SPMIP2: variants seen among roughly 807,000 people sequenced by gnomAD.
SPMIP2 encodes protein SPMIP2.
the SPMIP2 span, among the ~76,000 whole-genome samples, chr4:158,913,811 T>G: frequency 6.8e-6 from 1 of 148,082 alleles, no homozygotes; most frequent in South Asian, 2.2e-4. Flanking sequence ...GCCAATGCAC[T>G]CCAGCCTGGG....
chr4:158,947,404 C>T, the SPMIP2 span, among the ~76,000 whole-genome samples: 7 of 152,322 alleles, frequency 4.6e-5, no homozygotes, highest in East Asian at 1.2e-3. Flanking sequence ...CACCACCCAA[C>T]TAACACAAAA....
At chr4:159,007,677 T>C in the SPMIP2 span, 2 of 719,046 alleles carry the variant, frequency 2.8e-6, no homozygotes, top group Admixed American at 1.8e-5. Flanking sequence ...AATGGACTAC[T>C]GGGTCTTGGT....
chr4:158,987,402 A>C, the SPMIP2 span, among the ~76,000 whole-genome samples: 1 of 152,138 alleles, frequency 6.6e-6, no homozygotes, highest in Non-Finnish European at 1.5e-5. Context: ...ACAATGATAG[A>C]CTGGATTAAG....
At chr4:159,040,318 C>T in the SPMIP2 span, among the ~76,000 whole-genome samples, 3 of 150,484 alleles carry the variant, frequency 2.0e-5, no homozygotes, top group Admixed American at 1.3e-4. Flanking sequence ...ATTACAGGCA[C>T]GTGCCACCAT....
chr4:159,047,500 A>T, the SPMIP2 span, among the ~76,000 whole-genome samples: 7 of 151,976 alleles, frequency 4.6e-5, no homozygotes, highest in Admixed American at 3.9e-4. Context: ...GATTGATTAA[A>T]TTTTTTTTTA....
At chr4:159,031,924 A>T in the SPMIP2 span, among the ~76,000 whole-genome samples, 1 of 152,218 alleles carries the variant, frequency 6.6e-6, no homozygotes. Context: ...AAATGATTTT[A>T]AAAAATATTG....
chr4:158,963,018 TC>T, the SPMIP2 span, among the ~76,000 whole-genome samples: 2 of 152,226 alleles, frequency 1.3e-5, no homozygotes, highest in African/African-American at 4.8e-5. Flanking sequence ...CAGCAAATAG[TC>T]TAAACATTGG....
the SPMIP2 span, chr4:158,895,858 G>A: frequency 9.9e-6 from 16 of 1,609,540 alleles, no homozygotes; most frequent in Non-Finnish European, 1.1e-5. Context: ...ATTAGGTGTC[G>A]TACTGGGGTG....
the SPMIP2 span, among the ~76,000 whole-genome samples, chr4:159,025,709 AAC>A: frequency 2.5e-4 from 38 of 152,306 alleles, no homozygotes; most frequent in East Asian, 4.6e-3. Flanking sequence ...AAGAGAAAAA[AAC>A]AGTTTAAAAA....
At chr4:158,956,618 A>G in the SPMIP2 span, among the ~76,000 whole-genome samples, 2 of 152,330 alleles carry the variant, frequency 1.3e-5, no homozygotes, top group Middle Eastern at 3.4e-3. Context: ...GATCAATAGG[A>G]TGTGAGCTCT....
the SPMIP2 span, among the ~76,000 whole-genome samples, chr4:159,040,745 C>T: frequency 6.6e-6 from 1 of 152,188 alleles, no homozygotes; most frequent in Non-Finnish European, 1.5e-5. Context: ...AGCCACTGCA[C>T]CCAGCCTAGT....
the SPMIP2 span, among the ~76,000 whole-genome samples, chr4:158,917,898 T>C: frequency 1.9e-3 from 295 of 151,952 alleles, no homozygotes; most frequent in Non-Finnish European, 3.4e-3. Flanking sequence ...TTTGTATTTT[T>C]AGTAGAGACA....
the SPMIP2 span, among the ~76,000 whole-genome samples, chr4:158,940,722 T>G: frequency 6.6e-6 from 1 of 152,210 alleles, no homozygotes; most frequent in Non-Finnish European, 1.5e-5. Context: ...GTAACCAGTT[T>G]GTTGTGTTTT....
At chr4:158,936,230 A>C in the SPMIP2 span, among the ~76,000 whole-genome samples, 1 of 152,240 alleles carries the variant, frequency 6.6e-6, no homozygotes, top group Non-Finnish European at 1.5e-5. Context: ...TTCCAAAATT[A>C]AAGAAAGAAA....
chr4:159,074,200 C>T, the SPMIP2 span, among the ~76,000 whole-genome samples: 1 of 152,030 alleles, frequency 6.6e-6, no homozygotes, highest in Non-Finnish European at 1.5e-5. Flanking sequence ...ACCATTATTT[C>T]AATAGCACTT....
the SPMIP2 span, among the ~76,000 whole-genome samples, chr4:159,078,380 T>C: frequency 6.6e-6 from 1 of 152,102 alleles, no homozygotes; most frequent in South Asian, 2.1e-4. Flanking sequence ...CTACACCAAG[T>C]TTCTGAATTT....
At chr4:158,893,689 T>C in the SPMIP2 span, 4 of 1,588,218 alleles carry the variant, frequency 2.5e-6, no homozygotes, top group African/African-American at 5.4e-5. Context: ...GGTTGAGTTA[T>C]GCTGATTTAG....
At chr4:159,061,485 TGA>T in the SPMIP2 span, among the ~76,000 whole-genome samples, 2 of 151,706 alleles carry the variant, frequency 1.3e-5, no homozygotes, top group Non-Finnish European at 2.9e-5. Context: ...TGAGCCAAAA[TGA>T]TGGTTTGTAA....
At chr4:159,047,196 A>T in the SPMIP2 span, among the ~76,000 whole-genome samples, 4 of 152,230 alleles carry the variant, frequency 2.6e-5, no homozygotes, top group Admixed American at 2.6e-4. Context: ...TGTGCATTTT[A>T]TAGTTTTTAA....
Sources: allele counts gnomAD v4.1 joint callset (sites outside exome capture counted in the v4.1 genomes callset), GRCh38; gene constraint gnomAD v4.1.1; transcripts MANE v1.5; gene names NCBI Gene and HGNC (gene_info 2026-07-23, HGNC 2026-07-21).